The following MYO1E variants were observed in gnomAD, a reference collection of about 807,000 sequenced individuals.
The protein encoded by MYO1E is unconventional myosin-Ie.
Under a neutral mutation model 151.1 loss-of-function variants are expected in MYO1E, and 68 were observed. The ratio of observed to expected loss-of-function variants is 0.45; its 90% CI spans 0.37 to 0.55. MYO1E has a LOEUF of 0.55. MYO1E is among the 20% of genes least tolerant of loss of function. The pLI is 0.00. For missense variants in MYO1E, 1,363 were observed against 1,389.3 expected, an observed-to-expected ratio of 0.98 and a Z score of 0.30; for synonymous variants, 601 against 501.7, an observed-to-expected ratio of 1.20 and a Z score of -2.64.
intron 16 of MYO1E, among the ~76,000 whole-genome samples, chr15:59,199,718 A>G (rs1395276151): frequency 6.6e-6 from 1 of 152,256 alleles, no homozygotes; most frequent in Non-Finnish European, 1.5e-5. Flanking sequence ...GAAATCTATA[A>G]CACTACGATG....
At chr15:59,337,861 G>C (rs2080738888) in intron 1 of MYO1E, among the ~76,000 whole-genome samples, 1 of 152,104 alleles carries the variant, frequency 6.6e-6, no homozygotes, top group South Asian at 2.1e-4. Context: ...CGCTCACAGA[G>C]TTCTTATAGG....
chr15:59,335,843 T>C (rs2080725118), intron 1 of MYO1E, among the ~76,000 whole-genome samples: 1 of 152,090 alleles, frequency 6.6e-6, no homozygotes, highest in Non-Finnish European at 1.5e-5. Context: ...AAGCCATGTG[T>C]GGCCCTGATT....
At chr15:59,240,754 C>A (rs1555413721) in intron 4 of MYO1E, among the ~76,000 whole-genome samples, 1 of 152,200 alleles carries the variant, frequency 6.6e-6, no homozygotes. Flanking sequence ...TTGTAACTGG[C>A]TGAATCAACG....
chr15:59,249,038 T>C (rs545941267), intron 4 of MYO1E, among the ~76,000 whole-genome samples: 1 of 152,326 alleles, frequency 6.6e-6, no homozygotes, highest in Non-Finnish European at 1.5e-5. Flanking sequence ...CCAGCTGTTT[T>C]GACAAATCAA....
At chr15:59,261,645 CAA>C in intron 2 of MYO1E, 136 bp from the exon 3 acceptor site, 1 of 656,308 alleles carries the variant, frequency 1.5e-6, no homozygotes, top group Non-Finnish European at 2.8e-6. Context: ...TAAAAGATTA[CAA>C]GTAAAGACGA....
chr15:59,262,133 T>C (rs527782829), intron 2 of MYO1E, among the ~76,000 whole-genome samples: 2 of 151,802 alleles, frequency 1.3e-5, no homozygotes, highest in Admixed American at 6.6e-5. Flanking sequence ...TCTGAACCCA[T>C]GAGGCGGAGG....
At chr15:59,283,913 C>A (rs764343294) in intron 1 of MYO1E, among the ~76,000 whole-genome samples, 6 of 152,238 alleles carry the variant, frequency 3.9e-5, no homozygotes, top group African/African-American at 7.2e-5. Flanking sequence ...CAACTTCTTT[C>A]ATCTGCCCAA....
At chr15:59,305,841 G>A (rs1177581022) in intron 1 of MYO1E, among the ~76,000 whole-genome samples, 2 of 152,170 alleles carry the variant, frequency 1.3e-5, no homozygotes, top group African/African-American at 4.8e-5. Flanking sequence ...GTGTATTCAA[G>A]TTCTAGGACA....
intron 1 of MYO1E, among the ~76,000 whole-genome samples, chr15:59,299,672 A>G (rs893509556): frequency 6.6e-6 from 1 of 152,218 alleles, no homozygotes; most frequent in Non-Finnish European, 1.5e-5. Context: ...GAAGTGTGAA[A>G]TATTACCCCT....
intron 16 of MYO1E, among the ~76,000 whole-genome samples, chr15:59,201,009 AT>A (rs1220043801): frequency 1.3e-5 from 2 of 152,132 alleles, no homozygotes; most frequent in African/African-American, 4.8e-5. Flanking sequence ...AGCTGGTATA[AT>A]TTTTAAAAAA....
chr15:59,234,273 G>C (rs536588984), intron 5 of MYO1E, among the ~76,000 whole-genome samples: 2 of 151,948 alleles, frequency 1.3e-5, no homozygotes, highest in East Asian at 3.9e-4. Context: ...TGCATGGATG[G>C]ATGGATGCAC....
intron 1 of MYO1E, among the ~76,000 whole-genome samples, chr15:59,329,471 G>A (rs1271256918): frequency 6.6e-6 from 1 of 152,180 alleles, no homozygotes; most frequent in Non-Finnish European, 1.5e-5. Flanking sequence ...ATGGACCAAC[G>A]ACTCAGAATG....
At chr15:59,291,219 C>G (rs2080416776) in intron 1 of MYO1E, among the ~76,000 whole-genome samples, 1 of 152,146 alleles carries the variant, frequency 6.6e-6, no homozygotes, top group African/African-American at 2.4e-5. Context: ...GCCCAGCGAC[C>G]CAAAATATGA....
intron 1 of MYO1E, among the ~76,000 whole-genome samples, chr15:59,338,562 G>C (rs909150468): frequency 1.3e-5 from 2 of 152,188 alleles, no homozygotes; most frequent in Non-Finnish European, 1.5e-5. Flanking sequence ...TCAGTGCTGA[G>C]CCAGGACTGT....
At chr15:59,150,927 A>G (rs745504243) in intron 26 of MYO1E, among the ~76,000 whole-genome samples, 22 of 151,934 alleles carry the variant, frequency 1.4e-4, no homozygotes, top group South Asian at 2.1e-4. Flanking sequence ...GACCAAGCCA[A>G]TCACGTGAAC....
At chr15:59,273,234 C>T (rs764034908) in intron 1 of MYO1E, among the ~76,000 whole-genome samples, 2 of 152,104 alleles carry the variant, frequency 1.3e-5, no homozygotes, top group African/African-American at 4.8e-5. Flanking sequence ...ACACCAGGGG[C>T]GGCCTCTGAA....
chr15:59,245,179 A>G (rs1162023161), intron 4 of MYO1E, among the ~76,000 whole-genome samples: 1 of 152,198 alleles, frequency 6.6e-6, no homozygotes, highest in Admixed American at 6.5e-5. Flanking sequence ...CCCCATGCTA[A>G]TAATAAAAGG....
intron 1 of MYO1E, among the ~76,000 whole-genome samples, chr15:59,351,206 GTTT>G (rs199982326): frequency 6.6e-6 from 1 of 152,086 alleles, no homozygotes; most frequent in African/African-American, 2.4e-5. Flanking sequence ...GCCTTACTTG[GTTT>G]TTTAAGGATT....
chr15:59,216,740 C>A (rs1014883834), intron 10 of MYO1E, among the ~76,000 whole-genome samples: 2 of 131,980 alleles, frequency 1.5e-5, no homozygotes, highest in Non-Finnish European at 3.3e-5. Context: ...ATGCCATAAC[C>A]AAAAATATCT....
Sources: gnomAD v4.1 joint callset for allele counts (sites outside exome capture counted in the v4.1 genomes callset) on GRCh38, gnomAD v4.1.1 for gene constraint, MANE v1.5 for transcripts, NCBI Gene and HGNC (gene_info 2026-07-23, HGNC 2026-07-21) for gene names.